Variants in MAVS observed in about 807,000 individuals in gnomAD.
MAVS encodes the protein mitochondrial antiviral-signaling protein.
Under a neutral mutation model 30.2 loss-of-function variants are expected in MAVS, and 20 were observed. The ratio of observed to expected loss-of-function variants is 0.66; its 90% CI spans 0.47 to 0.96. The LOEUF is 0.96. MAVS is among the 40% of genes least tolerant of loss of function. The pLI is 0.00. For missense variants in MAVS, 624 were observed against 701.1 expected (o/e 0.89, Z 1.24); for synonymous variants, 278 against 293.9 (o/e 0.95, Z 0.55).
chr20:3,851,207 A>C (rs2146755809), intron 1 of MAVS, among the ~76,000 whole-genome samples: 1 of 151,186 alleles, frequency 6.6e-6, no homozygotes, highest in South Asian at 2.1e-4. Flanking sequence ...GTGTACCCGT[A>C]ATCCCAGCTA....
chr20:3,866,512 G>A lies in MAVS; in HGVS notation c.*365G>A. On this transcript the variant is annotated 3_prime_UTR_variant, in exon 7 of 7. Transcript: ENST00000428216. ...GCAGGAGGGACCACTGGAACATGTG[G>A]TGCTTGGGAATGCCTCTCCTGTTGC... The A allele has an allele frequency of 2.7e-6, 1 of 365,424 alleles. No individual in the cohort carries two copies. The highest frequency in any genetic ancestry group is 5.1e-6 in the Non-Finnish European group (1 of 195,410). The allele number at this position is 365,424 out of a possible 1,614,324, so 22.6% of individuals were successfully genotyped here.
rs373255379 is a variant in MAVS at position 3,866,357 on chromosome 20, C to T, written c.*210C>T. The T allele has an allele frequency of 6.9e-5, 40 of 576,188 alleles. 1 individual carries two copies. Among genetic ancestry groups the T allele is most frequent in the East Asian group, 3.2e-4 (11 of 34,610 alleles). 35.7% of individuals were successfully genotyped at this position (576,188 alleles called of 1,614,324 possible). A position where few individuals can be genotyped will look rare whatever the true frequency, so the allele number is the denominator to read the frequency against. On this transcript the variant is annotated 3_prime_UTR_variant, in exon 7 of 7. Coordinates refer to ENST00000428216, the MANE Select transcript of MAVS (RefSeq NM_020746.5). ...CCCCACGGTGCCTTGTGTGGGTCCCCGTCCTTGGCTTTCTGGGTCCTGGGC... is the reference window on the plus strand; with the variant it reads ...CCCCACGGTGCCTTGTGTGGGTCCCTGTCCTTGGCTTTCTGGGTCCTGGGC...
At chr20:3,850,022 T>G (rs984691294) in intron 1 of MAVS, among the ~76,000 whole-genome samples, 3 of 151,094 alleles carry the variant, frequency 2.0e-5, no homozygotes, top group Non-Finnish European at 3.0e-5. Context: ...CTCATGCCTG[T>G]AATCCCAGCA....
chr20:3,863,515 G>A (rs774541503), intron 5 of MAVS, among the ~76,000 whole-genome samples: 5 of 152,192 alleles, frequency 3.3e-5, no homozygotes, highest in South Asian at 4.1e-4. Context: ...GGCAGAGGGC[G>A]CTTAGGTTTC....
intron 1 of MAVS, among the ~76,000 whole-genome samples, chr20:3,847,253 C>G (rs1245223940): frequency 1.3e-5 from 2 of 152,096 alleles, no homozygotes; most frequent in East Asian, 1.9e-4. Flanking sequence ...AAGGTGGGGC[C>G]GAGCCTCGAC....
intron 3 of MAVS, among the ~76,000 whole-genome samples, chr20:3,859,789 A>C (rs1600450374): frequency 4.8e-5 from 7 of 146,042 alleles, no homozygotes; most frequent in Admixed American, 6.8e-5. Context: ...TCACCCTCCC[A>C]CTCCTGCCCC....
chr20:3,864,100 G>A (rs1600453682), intron 5 of MAVS, among the ~76,000 whole-genome samples, 156 bp from the exon 6 acceptor site: 1 of 152,176 alleles, frequency 6.6e-6, no homozygotes, highest in Non-Finnish European at 1.5e-5. Context: ...CCAGGAAGCA[G>A]TGACCAAAGG....
At chr20:3,855,100 A>AGG (rs1435513739) in intron 2 of MAVS, among the ~76,000 whole-genome samples, 5 of 152,020 alleles carry the variant, frequency 3.3e-5, no homozygotes, top group African/African-American at 1.2e-4. Context: ...CATGTTGGCC[A>AGG]GGATGGTCTT....
At chr20:3,860,097 G>A (rs1011843026) in intron 3 of MAVS, among the ~76,000 whole-genome samples, 14 of 152,096 alleles carry the variant, frequency 9.2e-5, no homozygotes, top group South Asian at 2.1e-4. Flanking sequence ...GATTACAGGC[G>A]TGAGCCACCA....
rs59286471 is a variant in MAVS, at chr20:3,847,578, A to G, written c.-68+675A>G. Among the ~76,000 whole-genome samples the G allele has an allele frequency of 5.5e-3, 841 of 152,334 alleles. 5 individuals are homozygous for G. Among genetic ancestry groups the G allele is most frequent in the African/African-American group, 0.019 (800 of 41,578 alleles). On this transcript the variant is annotated intron_variant, in intron 1 of 6. Coordinates refer to ENST00000428216, the MANE Select transcript of MAVS (RefSeq NM_020746.5). ...AAAACACGAAAAAGGGATTCTCTGT[A>G]TGGAAGCCGTGAAGCCTCAAAAATA...
Position 3,867,115 on chromosome 20 carries a change from G to A in MAVS, c.*968G>A, listed in dbSNP as rs1210149393. 2 of 454,760 alleles carry A rather than the reference G, an allele frequency of 4.4e-6. No homozygotes were observed. The allele number at this position is 454,760 out of a possible 1,614,324, so 28.2% of individuals were successfully genotyped here. On this transcript the variant is annotated 3_prime_UTR_variant, in exon 7 of 7. Coordinates refer to ENST00000428216, the MANE Select transcript of MAVS (RefSeq NM_020746.5). ...CTCTCCTGCCCAACCTGGTAGAGCT[G>A]AGGGCATGAGAGGCAGAGTGCACAG...
chr20:3,862,451 C>G (rs2146773264), intron 5 of MAVS, 38 bp downstream of exon 5: 1 of 1,587,940 alleles, frequency 6.3e-7, no homozygotes, highest in Non-Finnish European at 8.6e-7. Flanking sequence ...TCCTTCTGAT[C>G]TCTCAAGTGA....
chr20:3,848,638 G>C (rs546071797), intron 1 of MAVS, among the ~76,000 whole-genome samples: 1 of 152,272 alleles, frequency 6.6e-6, no homozygotes, highest in South Asian at 2.1e-4. Flanking sequence ...GGTGCTGTCT[G>C]CTCTACAGCA....
rs747304469 is a variant in MAVS at position 3,867,815 on chromosome 20, C to T, written c.*1668C>T. 1 of 152,594 alleles carries T rather than the reference C, an allele frequency of 6.6e-6. No individual in the cohort carries two copies. The highest frequency in any genetic ancestry group is 2.4e-5 in the African/African-American group (1 of 41,460). 9.5% of individuals were successfully genotyped at this position (152,594 alleles called of 1,614,324 possible). A position where few individuals can be genotyped will look rare whatever the true frequency, so the allele number is the denominator to read the frequency against. ...CAGCCAGGTTCCCTCACCCCAAGCTCACCCACTGTTGGGGAGATTATCTAC... is the reference window on the plus strand; with the variant it reads ...CAGCCAGGTTCCCTCACCCCAAGCTTACCCACTGTTGGGGAGATTATCTAC... On this transcript the variant is annotated 3_prime_UTR_variant, in exon 7 of 7. Coordinates refer to ENST00000428216, the MANE Select transcript of MAVS (RefSeq NM_020746.5).
intron 2 of MAVS, 39 bp from the exon 3 acceptor site, chr20:3,857,596 C>CA: frequency 6.4e-7 from 1 of 1,568,740 alleles, no homozygotes; most frequent in African/African-American, 1.3e-5. Flanking sequence ...TGGCAGGGGC[C>CA]ACCTGGCTTG....
At position 3,859,160 on chromosome 20, in the gene MAVS, CT is replaced by C. The variant is rs2146767920; in HGVS notation, c.292+1353del. 1.3e-5 allele frequency among the ~76,000 whole-genome samples: 2 copies of C among 151,830 alleles called. 1 individual carries two copies. The highest frequency in any genetic ancestry group is 3.9e-4 in the East Asian group (2 of 5,154). The stretch of plus-strand genomic sequence containing the variant: ...CCTCCCTCCCTCCCTTCCTCTCTTC[CT>C]TCCTTTTTTTCCTTCCTTCTTTTTA... On this transcript the variant is annotated intron_variant, in intron 3 of 6. Transcript: ENST00000428216.
rs568844939 is a variant in MAVS at position 3,872,192 on chromosome 20, C to G, written c.*6045C>G. ...TGGTGGATCATACCTATAATCCCAGCACTTTGGGAGACCAAGGCAGAAGGA... is the reference window on the plus strand; with the variant it reads ...TGGTGGATCATACCTATAATCCCAGGACTTTGGGAGACCAAGGCAGAAGGA... On this transcript the variant is annotated 3_prime_UTR_variant, in exon 7 of 7. Transcript: ENST00000428216. The G allele has an allele frequency of 1.3e-5, 2 of 152,548 alleles. No individual in the cohort carries two copies. The highest frequency in any genetic ancestry group is 4.8e-5 in the African/African-American group (2 of 41,528). The allele number at this position is 152,548 out of a possible 1,614,324, so 9.4% of individuals were successfully genotyped here. A position where few individuals can be genotyped will look rare whatever the true frequency, so the allele number is the denominator to read the frequency against.
Position 3,864,418 on chromosome 20 carries a change from C to T in MAVS, c.788C>T (p.Ser263Phe), listed in dbSNP as rs774258349. 6.2e-7 allele frequency: 1 copy of T among 1,614,054 alleles called. No individual in the cohort carries two copies. Among genetic ancestry groups the T allele is most frequent in the Non-Finnish European group, 8.5e-7 (1 of 1,180,010 alleles). ...TCCTCCTCATCCCCTGGCTTGGCCT[C>T]TGCAGGGGCTGCAGAGGGTAAACAG... ...SFSSSSPGLA[S>F]AGAAEGKQGA... is the part of the protein sequence containing the mutation. The change falls in exon 6 of 7, where the codon TCT (serine) becomes TTT (phenylalanine). Residue 263 changes from serine to phenylalanine, a missense_variant. Coordinates refer to ENST00000428216, the MANE Select transcript of MAVS (RefSeq NM_020746.5).
chr20:3,857,839 C>T (rs747971254), intron 3 of MAVS, 30 bp downstream of exon 3: 1 of 1,611,850 alleles, frequency 6.2e-7, no homozygotes, highest in Non-Finnish European at 8.5e-7. Flanking sequence ...CCTCCTGGAC[C>T]CCCAGCCTGC....
Sources: gnomAD v4.1 joint callset for allele counts (sites outside exome capture counted in the v4.1 genomes callset) on GRCh38, gnomAD v4.1.1 for gene constraint, MANE v1.5 for transcripts, NCBI Gene and HGNC (gene_info 2026-07-23, HGNC 2026-07-21) for gene names.